The following ZNF534 variants were observed in gnomAD, a reference collection of about 807,000 sequenced individuals.
The protein encoded by ZNF534 is KRAB domain only 3.
ZNF534 carries 19 observed loss-of-function variants against 13.6 expected under a neutral mutation model. That is an observed-to-expected ratio of 1.40 (90% CI 0.97 to 2.05). The LOEUF (loss-of-function observed/expected upper bound fraction) is 2.05. ZNF534 is among the 30% of genes most tolerant of loss of function. The pLI is 0.00. For synonymous variants in ZNF534, 244 were observed against 273.8 expected, an observed-to-expected ratio of 0.89 and a Z score of 1.07; for missense variants, 782 against 796.3, an observed-to-expected ratio of 0.98 and a Z score of 0.22.
chr19:52,438,554 G>T lies in ZNF534; in HGVS notation c.1094G>T (p.Arg365Leu). Residue 365 changes from arginine (R) to leucine (L), a missense_variant, in exon 5 of 5, where the codon CGA becomes CTA. Physicochemically the swap from Arg to Leu is moderately radical, Grantham distance 102 (BLOSUM62 -2). Coordinates refer to ENST00000433050, the MANE Select transcript of ZNF534 (RefSeq NM_001143938.3). ...KCNECGKGFS[R>L]IAFLARHRKV... ...AATGAATGTGGCAAGGGGTTTAGTC[G>T]AATTGCATTCCTTGCAAGGCATCGG... 1 of 1,579,246 alleles carries T rather than the reference G, an allele frequency of 6.3e-7. No homozygotes were observed.
chr19:52,429,426 G>A (rs946956166), intron 1 of ZNF534, among the ~76,000 whole-genome samples, 182 bp downstream of exon 1: 3 of 152,076 alleles, frequency 2.0e-5, no homozygotes, highest in Non-Finnish European at 4.4e-5. Flanking sequence ...CCGCTTGGAG[G>A]CTTCTAGGCC....
chr19:52,433,210 G>C (rs866640764), intron 2 of ZNF534, among the ~76,000 whole-genome samples: 1 of 121,886 alleles, frequency 8.2e-6, no homozygotes, highest in Non-Finnish European at 1.6e-5. Context: ...CTGCACTCCA[G>C]TCTGGGAAAC....
downstream of ZNF534, among the ~76,000 whole-genome samples, chr19:52,445,713 CCTAAT>C (rs2059192242): frequency 3.8e-5 from 1 of 26,034 alleles, no homozygotes; most frequent in African/African-American, 9.0e-5. Context: ...TTCTTGGCTT[CCTAAT>C]TTACTCTTGC....
chr19:52,438,394 A>C lies in ZNF534; in HGVS notation c.934A>C (p.Ser312Arg). The change falls in exon 5 of 5, where the codon AGT (serine) becomes CGT (arginine). Residue 312 changes from serine (S) to arginine (R), a missense_variant. This residue lies in a region of ZNF534 where 591 missense variants were observed against 574.0 expected (regional missense o/e 1.03). Coordinates refer to ENST00000433050, the MANE Select transcript of ZNF534 (RefSeq NM_001143938.3). ...ECGKAFSVCS[S>R]LTAHLVIHTG... ...TGGCAAAGCATTTAGTGTGTGTTCC[A>C]GTCTTACTGCTCATCTTGTAATCCA... The C allele has an allele frequency of 1.2e-6, 2 of 1,613,374 alleles. No homozygotes were observed. Among genetic ancestry groups the C allele is most frequent in the Non-Finnish European group, 1.7e-6 (2 of 1,179,528 alleles).
chr19:52,444,562 C>T (rs1039665247), downstream of ZNF534, among the ~76,000 whole-genome samples: 1 of 151,732 alleles, frequency 6.6e-6, no homozygotes, highest in Non-Finnish European at 1.5e-5. Flanking sequence ...ACTAGAACTC[C>T]CAAGAGTATA....
chr19:52,431,670 A>G (rs1417425200), intron 2 of ZNF534, among the ~76,000 whole-genome samples, 181 bp downstream of exon 2: 1 of 152,056 alleles, frequency 6.6e-6, no homozygotes, highest in Non-Finnish European at 1.5e-5. Flanking sequence ...ACCCAATGAC[A>G]TGAACTTGGG....
intron 1 of ZNF534, among the ~76,000 whole-genome samples, chr19:52,430,023 T>TG: frequency 6.6e-6 from 1 of 151,462 alleles, no homozygotes; most frequent in Middle Eastern, 3.4e-3. Context: ...ATTTTTTTTT[T>TG]GGGTTTTTTT....
chr19:52,439,123 T>C lies in ZNF534; in HGVS notation c.1663T>C (p.Cys555Arg), dbSNP rs1343336375. 6.3e-7 allele frequency: 1 copy of C among 1,595,734 alleles called. No homozygotes were observed. Among genetic ancestry groups the C allele is most frequent in the Non-Finnish European group, 8.5e-7 (1 of 1,170,524 alleles). The change falls in exon 5 of 5, where the codon TGT (cysteine) becomes CGT (arginine). Residue 555 changes from cysteine (C) to arginine (R), a missense_variant. By Grantham distance (180) the Cys-to-Arg change is radical. Coordinates refer to ENST00000433050, the MANE Select transcript of ZNF534 (RefSeq NM_001143938.3). ...AGAAAAGCCTTACAGTTGTAATGAA[T>C]GTGGCAAGGTCTTCAGTCGGAATTC... is the stretch of plus-strand genomic sequence containing the variant. Reference protein sequence around the residue: ...TGEKPYSCNECGKVFSRNSHL... With the variant: ...TGEKPYSCNERGKVFSRNSHL...
rs752584381 is a variant in ZNF534, at chr19:52,439,052, TC to T, written c.1594del (p.Arg532ValfsTer100). Reference protein sequence around the residue: ...PYSCNECGKVFRRNSHLVRHR... With the variant: ...PYSCNECGKVXRRNSHLVRHR... ...AGTTGTAATGAATGTGGCAAGGTCT[TC>T]CGTCGGAATTCACACCTTGTGCGAC... On this transcript the variant is annotated frameshift_variant, in exon 5 of 5. Coordinates refer to ENST00000433050, the MANE Select transcript of ZNF534 (RefSeq NM_001143938.3). LOFTEE classifies it low-confidence loss of function (END_TRUNC). The T allele has an allele frequency of 6.3e-7, 1 of 1,596,316 alleles. No individual in the cohort carries two copies. The highest frequency in any genetic ancestry group is 8.5e-7 in the Non-Finnish European group (1 of 1,170,926).
chr19:52,430,607 G>C (rs1443377263), intron 1 of ZNF534, among the ~76,000 whole-genome samples: 1 of 149,256 alleles, frequency 6.7e-6, no homozygotes, highest in Non-Finnish European at 1.5e-5. Flanking sequence ...CTGGAGTGCA[G>C]TGTTAAAATC....
rs551704101 is a variant in ZNF534 at position 52,439,571 on chromosome 19, A to T, written c.*125A>T. 4.8e-6 allele frequency: 4 copies of T among 826,772 alleles called. No homozygotes were observed. The South Asian group carries it at 1.1e-4, about 22-fold the overall frequency. The allele number at this position is 826,772 out of a possible 1,614,324, so 51.2% of individuals were successfully genotyped here. A position where few individuals can be genotyped will look rare whatever the true frequency, so the allele number is the denominator to read the frequency against. ...ATCCTGGCTAACACGGTGAAACCCCATCTCTACTAAAAATACAAAAAAAAA... is the reference window on the plus strand; with the variant it reads ...ATCCTGGCTAACACGGTGAAACCCCTTCTCTACTAAAAATACAAAAAAAAA... On this transcript the variant is annotated 3_prime_UTR_variant, in exon 5 of 5. Coordinates refer to ENST00000433050, the MANE Select transcript of ZNF534 (RefSeq NM_001143938.3).
At position 52,439,764 on chromosome 19, in the gene ZNF534, G is replaced by A. The variant is rs202147777; in HGVS notation, c.*318G>A. Among the ~76,000 whole-genome samples, 10 of 149,374 alleles carry A rather than the reference G, an allele frequency of 6.7e-5. No homozygotes were observed. The highest frequency in any genetic ancestry group is 5.9e-5 in the Non-Finnish European group (4 of 67,494). ...AGAGTGAAACTCCATCTCAAAAAAA[G>A]AAAAAAAAAAAATGAGTGAAGCTGC... On this transcript the variant is annotated 3_prime_UTR_variant, in exon 5 of 5. Transcript: ENST00000433050.
rs1220218213 is a variant in ZNF534, at chr19:52,441,207, G to T, written c.*1761G>T. On this transcript the variant is annotated 3_prime_UTR_variant, in exon 5 of 5. Coordinates refer to ENST00000433050, the MANE Select transcript of ZNF534 (RefSeq NM_001143938.3). Reference sequence around the variant, plus strand: ...GCATGAGCTGCTGCACCCAGCTTGAGAAATCATATGAATATATGGAATGTA... The same window carrying T: ...GCATGAGCTGCTGCACCCAGCTTGATAAATCATATGAATATATGGAATGTA... Among the ~76,000 whole-genome samples, 2 of 152,116 alleles carry T rather than the reference G, an allele frequency of 1.3e-5. No homozygotes were observed. The highest frequency in any genetic ancestry group is 2.9e-5 in the Non-Finnish European group (2 of 68,024).
Position 52,439,255 on chromosome 19 carries a change from A to G in ZNF534, c.1795A>G (p.Ile599Val). 1 of 1,568,522 alleles carries G rather than the reference A, an allele frequency of 6.4e-7. No homozygotes were observed. Among genetic ancestry groups the G allele is most frequent in the Admixed American group, 1.9e-5 (1 of 52,898 alleles). Reference sequence around the variant, plus strand: ...TTCACACCTTGCGCGACATAGGAAAATTCATACTGGAGAGAAGCTTTACAA... The same window carrying G: ...TTCACACCTTGCGCGACATAGGAAAGTTCATACTGGAGAGAAGCTTTACAA... Reference protein sequence around the residue: ...RNSHLARHRKIHTGEKLYKCN... With the variant: ...RNSHLARHRKVHTGEKLYKCN... Residue 599 changes from isoleucine (I) to valine (V), a missense_variant, in exon 5 of 5, where the codon ATT becomes GTT. Ile to Val is a conservative substitution (Grantham distance 29). Transcript: ENST00000433050.
chr19:52,433,965 C>T lies in ZNF534; in HGVS notation c.26C>T (p.Ser9Leu). The change falls in exon 3 of 5, where the codon TCA becomes TTA. Residue 9 changes from serine to leucine, a missense_variant. By Grantham distance (145) the Ser-to-Leu change is moderately radical. This residue lies in a region of ZNF534 where 81 missense variants were observed against 63.5 expected (regional missense o/e 1.28). Coordinates refer to ENST00000433050, the MANE Select transcript of ZNF534 (RefSeq NM_001143938.3). MALTQGQL[S>L]FSDVAIEFSQ... is the part of the protein sequence containing the mutation. ...TGGATTTCCTTTTAGGGGCAATTGT[C>T]ATTCAGCGATGTGGCCATAGAATTC... is the stretch of plus-strand genomic sequence containing the variant. 1 of 1,613,942 alleles carries T rather than the reference C, an allele frequency of 6.2e-7. No individual in the cohort carries two copies. The highest frequency in any genetic ancestry group is 8.5e-7 in the Non-Finnish European group (1 of 1,179,880).
chr19:52,441,743 C>T lies in ZNF534; in HGVS notation c.*2297C>T, dbSNP rs944558622. On this transcript the variant is annotated 3_prime_UTR_variant, in exon 5 of 5. Coordinates refer to ENST00000433050, the MANE Select transcript of ZNF534 (RefSeq NM_001143938.3). ...GAAATTCACATCTTGCGAATCACCA[C>T]ATAGAGAGAAACCTTACAAATACAA... Among the ~76,000 whole-genome samples the T allele has an allele frequency of 6.6e-6, 1 of 152,178 alleles. No homozygotes were observed. Among genetic ancestry groups the T allele is most frequent in the African/African-American group, 2.4e-5 (1 of 41,422 alleles).
At chr19:52,451,239 C>G (rs765509491) in exon 5 of ZNF534, 1 of 736,332 alleles carries the variant, frequency 1.4e-6, no homozygotes. Context: ...AAGCCTGGCG[C>G]GCGTCCGGAG....
At chr19:52,433,882 A>C (rs1339346629) in intron 2 of ZNF534, 73 bp from the exon 3 acceptor site, 21 of 1,581,336 alleles carry the variant, frequency 1.3e-5, no homozygotes, top group Non-Finnish European at 1.8e-5. Flanking sequence ...AGTCCTTACA[A>C]CTGTCTTCTC....
intron 4 of ZNF534, among the ~76,000 whole-genome samples, chr19:52,448,566 C>T (rs910148189): frequency 1.3e-5 from 2 of 151,962 alleles, no homozygotes; most frequent in Middle Eastern, 3.2e-3. Flanking sequence ...CTCATCTCTA[C>T]AAAAATAAAA....
Sources: allele counts gnomAD v4.1 joint callset (sites outside exome capture counted in the v4.1 genomes callset), GRCh38; gene constraint gnomAD v4.1.1; regional missense constraint gnomAD v4.1.1; transcripts MANE v1.5; gene names NCBI Gene and HGNC (gene_info 2026-07-23, HGNC 2026-07-21).